Variants in ERBB4 observed in about 807,000 individuals in gnomAD.
ERBB4 encodes the protein receptor tyrosine-protein kinase erbB-4.
A neutral mutation model predicts 158.0 loss-of-function variants in ERBB4; 42 were observed. That is an observed-to-expected ratio of 0.27 (90% CI 0.21 to 0.34). The LOEUF (loss-of-function observed/expected upper bound fraction) is 0.34. ERBB4 is among the 10% of genes least tolerant of loss of function. ERBB4 has a pLI of 1.00. For missense variants in ERBB4, 1,333 were observed against 1,624.1 expected (o/e 0.82, Z 3.08); for synonymous variants, 583 against 558.7 (o/e 1.04, Z -0.61).
chr2:211,392,603 C>T (rs1472086588), intron 25 of ERBB4, among the ~76,000 whole-genome samples: 1 of 134,644 alleles, frequency 7.4e-6, no homozygotes, highest in Admixed American at 7.5e-5. Context: ...CACACACACC[C>T]CAATAATGAC....
At chr2:212,498,808 G>C (rs965530238) in intron 1 of ERBB4, among the ~76,000 whole-genome samples, 1 of 151,928 alleles carries the variant, frequency 6.6e-6, no homozygotes, top group African/African-American at 2.4e-5. Flanking sequence ...ACTACTAGTA[G>C]TAATTAATTA....
intron 16 of ERBB4, among the ~76,000 whole-genome samples, chr2:211,648,166 A>G (rs2070846909): frequency 1.3e-5 from 2 of 151,890 alleles, no homozygotes; most frequent in African/African-American, 4.8e-5. Context: ...ATACCTTAAC[A>G]GAATTTTTTA....
rs531351190 is a variant in ERBB4, at chr2:211,664,374, T to C, written c.1871+949A>G. Among the ~76,000 whole-genome samples, 5 of 152,126 alleles carry C rather than the reference T, an allele frequency of 3.3e-5. No homozygotes were observed. In the South Asian group the frequency reaches 1.0e-3, roughly 32 times the overall value. ...GTGTGTGTCTGTATGCGTCTGTGTG[T>C]GTGTGTTTATATGTGTATGTGCACA... On this transcript the variant is annotated intron_variant, in intron 15 of 27. Coordinates refer to ENST00000342788, the MANE Select transcript of ERBB4 (RefSeq NM_005235.3).
chr2:211,653,379 T>C (rs1317616546), intron 16 of ERBB4, among the ~76,000 whole-genome samples: 2 of 152,128 alleles, frequency 1.3e-5, no homozygotes, highest in African/African-American at 2.4e-5. Context: ...CATTGTAGGC[T>C]TGGGAAAGAA....
chr2:212,161,553 T>C (rs1263623224), intron 1 of ERBB4, among the ~76,000 whole-genome samples: 2 of 151,940 alleles, frequency 1.3e-5, no homozygotes, highest in Admixed American at 1.3e-4. Context: ...GTCTTAAGCC[T>C]TTCTACCTCA....
chr2:212,341,478 T>C (rs928609877), intron 1 of ERBB4, among the ~76,000 whole-genome samples: 7 of 152,130 alleles, frequency 4.6e-5, no homozygotes, highest in African/African-American at 1.7e-4. Context: ...TTAGATTGGT[T>C]ATGTTCCAGG....
chr2:211,536,733 T>C (rs1403180421), intron 20 of ERBB4, among the ~76,000 whole-genome samples: 1 of 151,964 alleles, frequency 6.6e-6, no homozygotes, highest in Admixed American at 6.6e-5. Flanking sequence ...AACAACTAAA[T>C]AGCTGAGGAA....
At chr2:212,310,531 C>A (rs2086992595) in intron 1 of ERBB4, among the ~76,000 whole-genome samples, 1 of 150,322 alleles carries the variant, frequency 6.7e-6, no homozygotes, top group African/African-American at 2.4e-5. Context: ...TTTCAATTTA[C>A]TTTGTCTGGC....
chr2:211,387,817 T>G (rs1021840149), intron 26 of ERBB4, 128 bp downstream of exon 26: 2 of 770,526 alleles, frequency 2.6e-6, no homozygotes, highest in African/African-American at 1.7e-5. Flanking sequence ...AGCTACACGA[T>G]GTACACCAAA....
intron 2 of ERBB4, 136 bp downstream of exon 2, chr2:212,124,616 C>T: frequency 2.1e-6 from 2 of 955,776 alleles, no homozygotes; most frequent in South Asian, 1.4e-5. Flanking sequence ...TTCGCTATCT[C>T]TTATCTTTTG....
chr2:212,219,120 T>C (rs545034011), intron 1 of ERBB4, among the ~76,000 whole-genome samples: 22 of 151,496 alleles, frequency 1.5e-4, no homozygotes, highest in African/African-American at 5.3e-4. Flanking sequence ...TCATGAAGTG[T>C]CAGAGTTTAC....
At chr2:212,476,230 A>G in intron 1 of ERBB4, among the ~76,000 whole-genome samples, 1 of 151,802 alleles carries the variant, frequency 6.6e-6, no homozygotes, top group Non-Finnish European at 1.5e-5. Flanking sequence ...CTGACTTTGT[A>G]ATTTATAAAT....
At chr2:211,696,054 C>A (rs1168960521) in intron 12 of ERBB4, among the ~76,000 whole-genome samples, 5 of 116,148 alleles carry the variant, frequency 4.3e-5, no homozygotes, top group African/African-American at 1.7e-4. Context: ...CCCTTCCCCC[C>A]CTCCCTCCCT....
At chr2:212,415,720 T>G (rs1291169307) in intron 1 of ERBB4, among the ~76,000 whole-genome samples, 1 of 152,064 alleles carries the variant, frequency 6.6e-6, no homozygotes, top group Non-Finnish European at 1.5e-5. Flanking sequence ...AATATGAAAA[T>G]GAGTGTCTAG....
chr2:211,737,263 A>C (rs1559472723), intron 5 of ERBB4, among the ~76,000 whole-genome samples: 1 of 152,170 alleles, frequency 6.6e-6, no homozygotes, highest in Non-Finnish European at 1.5e-5. Context: ...AAAATAACTC[A>C]GATCTTTACA....
intron 3 of ERBB4, among the ~76,000 whole-genome samples, chr2:211,942,438 C>G (rs2080529297): frequency 6.6e-6 from 1 of 151,720 alleles, no homozygotes; most frequent in South Asian, 2.1e-4. Context: ...CTCACTGCAG[C>G]CTCGACCTTC....
chr2:211,656,411 T>C lies in ERBB4; in HGVS notation c.1946+1343A>G, dbSNP rs146724772. On this transcript the variant is annotated intron_variant, in intron 16 of 27. Coordinates refer to ENST00000342788, the MANE Select transcript of ERBB4 (RefSeq NM_005235.3). ...TAAAAGGATGAGATTTATTATTTCA[T>C]AAATAAAGCTAACAATATCTCTACA... 8.0e-3 allele frequency among the ~76,000 whole-genome samples: 1,225 copies of C among 152,338 alleles called. 5 individuals carry two copies. The highest frequency in any genetic ancestry group is 0.011 in the Non-Finnish European group (716 of 68,028).
chr2:212,365,840 C>T (rs116393036), intron 1 of ERBB4, among the ~76,000 whole-genome samples: 1,680 of 151,880 alleles, frequency 0.011, 32 homozygotes, highest in African/African-American at 0.038. Flanking sequence ...TAAGTACATA[C>T]TGAGGAGAAC....
Position 211,847,902 on chromosome 2 carries a change from G to A in ERBB4, c.422-59743C>T, listed in dbSNP as rs75933905. On this transcript the variant is annotated intron_variant, in intron 3 of 27. Transcript: ENST00000342788. The stretch of plus-strand genomic sequence containing the variant: ...ATCTAGGCCGTTTTTGTCTAACTTT[G>A]ATATATGTGGTTATAGTAATTACTC... Among the ~76,000 whole-genome samples, 949 of 152,138 alleles carry A rather than the reference G, an allele frequency of 6.2e-3. 9 individuals are homozygous for A. Among genetic ancestry groups the A allele is most frequent in the African/African-American group, 0.022 (898 of 41,512 alleles).
Sources: gnomAD v4.1 joint callset for allele counts (sites outside exome capture counted in the v4.1 genomes callset) on GRCh38, gnomAD v4.1.1 for gene constraint, MANE v1.5 for transcripts, NCBI Gene and HGNC (gene_info 2026-07-23, HGNC 2026-07-21) for gene names.